The following LHFPL3 variants were observed in gnomAD, a reference collection of about 807,000 sequenced individuals.
LHFPL3 encodes the protein LHFPL tetraspan subfamily member 3 protein.
In LHFPL3, 5 loss-of-function variants were observed where a neutral mutation model predicts 19.3. The observed-to-expected ratio is 0.26, with a 90% CI of 0.14 to 0.54. The LOEUF (loss-of-function observed/expected upper bound fraction) is 0.54, where lower values mean the gene tolerates loss of function less well. LHFPL3 is among the 20% of genes least tolerant of loss of function. The probability of loss-of-function intolerance (pLI) is 0.94; values close to 1 mark genes in which losing one functional copy is unlikely to be tolerated. For missense variants in LHFPL3, 249 were observed against 307.4 expected, an observed-to-expected ratio of 0.81 and a Z score of 1.42; for synonymous variants, 133 against 126.2, an observed-to-expected ratio of 1.05 and a Z score of -0.36.
chr7:104,506,350 G>C (rs1793698691), intron 1 of LHFPL3, among the ~76,000 whole-genome samples: 1 of 151,708 alleles, frequency 6.6e-6, no homozygotes, highest in Non-Finnish European at 1.5e-5. Context: ...TCAGGACTCA[G>C]CTTAGATACA....
rs142833540 is a variant in LHFPL3 at position 104,864,631 on chromosome 7, A to C, written c.683-41556A>C. Among the ~76,000 whole-genome samples the C allele has an allele frequency of 1.7e-3, 263 of 152,364 alleles. 2 individuals carry two copies. Among genetic ancestry groups the C allele is most frequent in the African/African-American group, 6.1e-3 (253 of 41,586 alleles). Reference sequence around the variant, plus strand: ...GGGTAGAGCCCACTGCAGCTCAAGGAGGCCTGCCTGCCTCTGTAGACTCCA... The same window carrying C: ...GGGTAGAGCCCACTGCAGCTCAAGGCGGCCTGCCTGCCTCTGTAGACTCCA... On this transcript the variant is annotated intron_variant, in intron 2 of 2. Transcript: ENST00000424859.
intron 1 of LHFPL3, among the ~76,000 whole-genome samples, chr7:104,393,663 C>T (rs190433895): frequency 6.6e-6 from 1 of 152,158 alleles, no homozygotes; most frequent in African/African-American, 2.4e-5. Context: ...TTGCAGTGAG[C>T]CGAGACCATG....
intron 1 of LHFPL3, among the ~76,000 whole-genome samples, chr7:104,535,413 C>A (rs540050054): frequency 1.8e-4 from 28 of 152,288 alleles, no homozygotes; most frequent in African/African-American, 6.5e-4. Context: ...CTGTACCCTT[C>A]ATTTGATTCT....
chr7:104,850,924 G>A (rs945592882), intron 2 of LHFPL3, among the ~76,000 whole-genome samples: 4 of 152,142 alleles, frequency 2.6e-5, no homozygotes, highest in Non-Finnish European at 4.4e-5. Flanking sequence ...GTTCTGCAGT[G>A]GCGTGCATAA....
At chr7:104,903,843 CT>C (rs1267805189) in intron 2 of LHFPL3, among the ~76,000 whole-genome samples, 2 of 152,274 alleles carry the variant, frequency 1.3e-5, no homozygotes, top group East Asian at 3.9e-4. Flanking sequence ...TAATGGGCCC[CT>C]AGGTGGATCC....
At chr7:104,900,353 T>C (rs1220197041) in intron 2 of LHFPL3, among the ~76,000 whole-genome samples, 1 of 152,190 alleles carries the variant, frequency 6.6e-6, no homozygotes, top group African/African-American at 2.4e-5. Flanking sequence ...TGAAATCCCT[T>C]CTTGTGAAAT....
intron 1 of LHFPL3, among the ~76,000 whole-genome samples, chr7:104,695,474 A>G (rs1412399887): frequency 2.0e-5 from 3 of 152,236 alleles, no homozygotes; most frequent in Non-Finnish European, 4.4e-5. Context: ...TTGGATCCTC[A>G]GTATTCTGAT....
At chr7:104,660,279 G>T (rs1792201571) in intron 1 of LHFPL3, among the ~76,000 whole-genome samples, 1 of 152,166 alleles carries the variant, frequency 6.6e-6, no homozygotes, top group African/African-American at 2.4e-5. Flanking sequence ...GGGATTACAG[G>T]CGTGAGCCAC....
At chr7:104,362,483 G>C (rs1057255022) in intron 1 of LHFPL3, among the ~76,000 whole-genome samples, 10 of 152,216 alleles carry the variant, frequency 6.6e-5, no homozygotes, top group African/African-American at 2.4e-4. Context: ...ACAGGAAACT[G>C]AGGATTTTAT....
At chr7:104,406,901 G>A (rs911748905) in intron 1 of LHFPL3, among the ~76,000 whole-genome samples, 3 of 152,234 alleles carry the variant, frequency 2.0e-5, no homozygotes, top group Admixed American at 2.0e-4. Context: ...CTGGAAACCT[G>A]TGTTTAATAA....
intron 1 of LHFPL3, 138 bp downstream of exon 1, chr7:104,329,362 G>A (rs1402233593): frequency 2.6e-6 from 3 of 1,163,448 alleles, no homozygotes; most frequent in African/African-American, 1.6e-5. Flanking sequence ...CGAGGTGTGG[G>A]GGGCGGGAGC....
chr7:104,597,544 G>A (rs778281725), intron 1 of LHFPL3, among the ~76,000 whole-genome samples: 17 of 152,136 alleles, frequency 1.1e-4, no homozygotes, highest in Non-Finnish European at 2.2e-4. Context: ...AATAGATACA[G>A]CCTGCCTCTA....
intron 2 of LHFPL3, among the ~76,000 whole-genome samples, chr7:104,820,455 A>T (rs1790654503): frequency 6.6e-6 from 1 of 152,186 alleles, no homozygotes; most frequent in Non-Finnish European, 1.5e-5. Context: ...AGAGGCAGAG[A>T]TTATGTTGGC....
chr7:104,769,569 A>C (rs1166248828), intron 2 of LHFPL3, among the ~76,000 whole-genome samples: 1 of 152,152 alleles, frequency 6.6e-6, no homozygotes, highest in African/African-American at 2.4e-5. Flanking sequence ...TCAACCCGTC[A>C]TCTACATTAG....
intron 1 of LHFPL3, among the ~76,000 whole-genome samples, chr7:104,344,309 A>T (rs1216034551): frequency 1.3e-5 from 2 of 152,090 alleles, no homozygotes; most frequent in Non-Finnish European, 2.9e-5. Flanking sequence ...GTTGTTGGTA[A>T]CCTGGATGAA....
intron 1 of LHFPL3, among the ~76,000 whole-genome samples, chr7:104,712,756 T>C (rs79494467): frequency 0.013 from 1,978 of 152,308 alleles, 40 homozygotes; most frequent in African/African-American, 0.044. Flanking sequence ...AACTAAAAGA[T>C]AGTAAGTATA....
intron 2 of LHFPL3, among the ~76,000 whole-genome samples, chr7:104,904,928 A>G (rs1428258972): frequency 6.6e-6 from 1 of 152,166 alleles, no homozygotes; most frequent in Non-Finnish European, 1.5e-5. Context: ...AAAAGTAATT[A>G]TCCCCTGAGA....
chr7:104,328,747 AGG>A lies in LHFPL3; in HGVS notation c.-32_-31del. ...GAGAGGCGGGGGGAGGCGGAGGACC[AGG>A]AGGAGGAGGAGGAGGAGGAGGAGGG... On this transcript the variant is annotated 5_prime_UTR_variant, in exon 1 of 3. Transcript: ENST00000424859. This position sits in a 1 kb window ranked among gnomAD's most constrained non-coding sequence, Gnocchi z 4.6. The A allele has an allele frequency of 2.0e-6, 1 of 496,474 alleles. No individual in the cohort carries two copies. The highest frequency in any genetic ancestry group is 2.6e-6 in the Non-Finnish European group (1 of 391,676). 30.8% of individuals were successfully genotyped at this position (496,474 alleles called of 1,614,324 possible). A position where few individuals can be genotyped will look rare whatever the true frequency, so the allele number is the denominator to read the frequency against.
In LHFPL3 at chr7:104,885,896, C is replaced by A. The variant is rs545118671; in HGVS notation, c.683-20291C>A. The stretch of plus-strand genomic sequence containing the variant: ...ACCCTGATGGCCCATCTCCTATCAC[C>A]AGCTGCCCTGGCTCCCCTGCTATTT... On this transcript the variant is annotated intron_variant, in intron 2 of 2. Transcript: ENST00000424859. 4.6e-5 allele frequency among the ~76,000 whole-genome samples: 7 copies of A among 152,278 alleles called. No homozygotes were observed. The South Asian group carries it at 1.5e-3, about 32-fold the overall frequency.
Sources: allele counts gnomAD v4.1 joint callset (sites outside exome capture counted in the v4.1 genomes callset), GRCh38; gene constraint gnomAD v4.1.1; non-coding constraint Gnocchi (gnomAD v3.1); transcripts MANE v1.5; gene names NCBI Gene and HGNC (gene_info 2026-07-23, HGNC 2026-07-21).